Variants in SH3GL2 observed in about 807,000 individuals in gnomAD.
The protein encoded by SH3GL2 is endophilin-A1.
Under a neutral mutation model 46.0 loss-of-function variants are expected in SH3GL2, and 24 were observed. The ratio of observed to expected loss-of-function variants is 0.52; its 90% confidence interval spans 0.38 to 0.73. The LOEUF (loss-of-function observed/expected upper bound fraction) is 0.73, where lower values mean the gene tolerates loss of function less well. SH3GL2 is among the 30% of genes least tolerant of loss of function. SH3GL2 has a pLI of 0.00. For missense variants in SH3GL2, 413 were observed against 424.2 expected, an observed-to-expected ratio of 0.97 and a Z score of 0.23; for synonymous variants, 196 against 147.1, an observed-to-expected ratio of 1.33 and a Z score of -2.40.
At chr9:17,768,381 A>C (rs1181585988) in intron 3 of SH3GL2, among the ~76,000 whole-genome samples, 1 of 151,756 alleles carries the variant, frequency 6.6e-6, no homozygotes, top group South Asian at 2.1e-4. Flanking sequence ...AAAAAAAAAA[A>C]AAAAAAAAAA....
At chr9:17,679,765 T>C (rs1246030061) in intron 1 of SH3GL2, among the ~76,000 whole-genome samples, 1 of 152,126 alleles carries the variant, frequency 6.6e-6, no homozygotes, top group Non-Finnish European at 1.5e-5. Context: ...GGCTGTGGGT[T>C]TGTGATAAAT....
intron 1 of SH3GL2, among the ~76,000 whole-genome samples, chr9:17,659,847 A>G (rs971068088): frequency 2.0e-5 from 3 of 152,200 alleles, no homozygotes; most frequent in Admixed American, 6.5e-5. Flanking sequence ...CATCACCATT[A>G]AAATGGGAAG....
At chr9:17,670,074 G>A (rs775719920) in intron 1 of SH3GL2, among the ~76,000 whole-genome samples, 14 of 152,084 alleles carry the variant, frequency 9.2e-5, no homozygotes, top group Admixed American at 3.3e-4. Context: ...ATCTCTGGAA[G>A]CCCCTACCCC....
chr9:17,692,327 T>TG (rs1821102910), intron 1 of SH3GL2, among the ~76,000 whole-genome samples: 1 of 151,786 alleles, frequency 6.6e-6, no homozygotes, highest in African/African-American at 2.4e-5. Context: ...TTTAAGAAAC[T>TG]ATTACATGTG....
intron 1 of SH3GL2, among the ~76,000 whole-genome samples, chr9:17,685,029 A>G (rs73645133): frequency 0.21 from 32,095 of 152,002 alleles, 5,391 homozygotes; most frequent in African/African-American, 0.46. Context: ...TTTAATCCTA[A>G]TACATGGTAT....
chr9:17,644,019 T>C (rs1272237853), intron 1 of SH3GL2, among the ~76,000 whole-genome samples: 1 of 152,244 alleles, frequency 6.6e-6, no homozygotes. Flanking sequence ...GAACTTGTTA[T>C]TGGTCTGTTC....
At chr9:17,626,167 C>T (rs377529237) in intron 1 of SH3GL2, among the ~76,000 whole-genome samples, 15 of 152,308 alleles carry the variant, frequency 9.8e-5, no homozygotes, top group African/African-American at 1.7e-4. Context: ...GTTTGTGCCT[C>T]GGCAGGTGTG....
At chr9:17,711,516 C>A (rs1821624128) in intron 1 of SH3GL2, among the ~76,000 whole-genome samples, 1 of 151,786 alleles carries the variant, frequency 6.6e-6, no homozygotes, top group South Asian at 2.1e-4. Flanking sequence ...CTTTCTCTTA[C>A]CATAGATTAG....
chr9:17,669,966 A>G (rs1820433500), intron 1 of SH3GL2, among the ~76,000 whole-genome samples: 1 of 152,168 alleles, frequency 6.6e-6, no homozygotes, highest in Non-Finnish European at 1.5e-5. Flanking sequence ...GTAGTGAAAT[A>G]CAGGAATTTT....
intron 1 of SH3GL2, among the ~76,000 whole-genome samples, chr9:17,612,004 C>G (rs1818877493): frequency 6.6e-6 from 1 of 152,138 alleles, no homozygotes; most frequent in Non-Finnish European, 1.5e-5. Flanking sequence ...AAGTCAGTAG[C>G]TAATAATATT....
chr9:17,730,587 G>C (rs1190810952), intron 1 of SH3GL2, among the ~76,000 whole-genome samples: 1 of 152,014 alleles, frequency 6.6e-6, no homozygotes, highest in Non-Finnish European at 1.5e-5. Context: ...TATGATATTG[G>C]CTGTGGGTTT....
intron 1 of SH3GL2, among the ~76,000 whole-genome samples, chr9:17,741,993 G>T (rs1236090820): frequency 6.6e-6 from 1 of 152,100 alleles, no homozygotes; most frequent in Non-Finnish European, 1.5e-5. Flanking sequence ...ACAAAGCAAA[G>T]GGAACAAACA....
At chr9:17,724,326 T>G (rs1821969372) in intron 1 of SH3GL2, among the ~76,000 whole-genome samples, 1 of 152,180 alleles carries the variant, frequency 6.6e-6, no homozygotes, top group East Asian at 1.9e-4. Context: ...CATTTGACTC[T>G]TTTAGAAAAT....
At chr9:17,620,569 G>A (rs923127740) in intron 1 of SH3GL2, among the ~76,000 whole-genome samples, 1 of 152,218 alleles carries the variant, frequency 6.6e-6, no homozygotes, top group Non-Finnish European at 1.5e-5. Context: ...TGGAAGGGCA[G>A]ACAGAAGAGG....
intron 1 of SH3GL2, among the ~76,000 whole-genome samples, chr9:17,662,440 T>C (rs1344476498): frequency 1.3e-5 from 2 of 152,146 alleles, no homozygotes; most frequent in Non-Finnish European, 2.9e-5. Flanking sequence ...CTGTCATCAT[T>C]AGCTTTCCGG....
Position 17,796,432 on chromosome 9 carries a change from A to G in SH3GL2, c.*689A>G, listed in dbSNP as rs1353679927. Reference sequence around the variant, plus strand: ...AAGACAGTTAATCAGCATTATTGTGAGAGGGACTGAAAAGAAATTCTCCAT... The same window carrying G: ...AAGACAGTTAATCAGCATTATTGTGGGAGGGACTGAAAAGAAATTCTCCAT... On this transcript the variant is annotated 3_prime_UTR_variant, in exon 9 of 9. Transcript: ENST00000380607. 1 of 152,258 alleles carries G rather than the reference A, an allele frequency of 6.6e-6. No homozygotes were observed. The highest frequency in any genetic ancestry group is 1.5e-5 in the Non-Finnish European group (1 of 68,050). 9.4% of individuals were successfully genotyped at this position (152,258 alleles called of 1,614,324 possible). A position where few individuals can be genotyped will look rare whatever the true frequency, so the allele number is the denominator to read the frequency against.
At chr9:17,795,054 G>C (rs1214156664) in intron 8 of SH3GL2, among the ~76,000 whole-genome samples, 1 of 152,164 alleles carries the variant, frequency 6.6e-6, no homozygotes, top group Non-Finnish European at 1.5e-5. Context: ...TCATTTTAAA[G>C]AGTGATAACC....
chr9:17,710,928 A>G (rs1212360632), intron 1 of SH3GL2, among the ~76,000 whole-genome samples: 1 of 151,924 alleles, frequency 6.6e-6, no homozygotes, highest in East Asian at 1.9e-4. Flanking sequence ...ATTCACAACA[A>G]TAACTAAAGT....
chr9:17,788,985 C>G (rs1484665711), intron 5 of SH3GL2, among the ~76,000 whole-genome samples: 1 of 152,188 alleles, frequency 6.6e-6, no homozygotes, highest in East Asian at 1.9e-4. Flanking sequence ...AGTTTTTCCT[C>G]TGGCTTCTCA....
Sources: allele counts gnomAD v4.1 joint callset (sites outside exome capture counted in the v4.1 genomes callset), GRCh38; gene constraint gnomAD v4.1.1; transcripts MANE v1.5; gene names NCBI Gene and HGNC (gene_info 2026-07-23, HGNC 2026-07-21).